PUS7L: variants seen among roughly 807,000 people sequenced by gnomAD.
PUS7L encodes the protein pseudouridine synthase 7 like.
A neutral mutation model predicts 51.1 loss-of-function variants in PUS7L; 49 were observed. The observed-to-expected ratio is 0.96, with a 90% CI of 0.76 to 1.22. PUS7L has a LOEUF of 1.22. PUS7L is among the 50% of genes most tolerant of loss of function. The pLI is 0.00. For synonymous variants in PUS7L, 277 were observed against 276.2 expected (o/e 1.00, Z -0.03); for missense variants, 828 against 820.6 (o/e 1.01, Z -0.11).
Position 43,742,437 on chromosome 12 carries a change from A to C in PUS7L, c.1362+20T>G, listed in dbSNP as rs372512174. 21 of 1,536,880 alleles carry C rather than the reference A, an allele frequency of 1.4e-5. No individual in the cohort carries two copies. The highest frequency in any genetic ancestry group is 1.7e-5 in the Non-Finnish European group (19 of 1,116,214). Reference sequence around the variant, plus strand: ...ATAATTGACAGAAACAGATAAGATTACATTTTTCAAAATCCATACCATTTC... The same window carrying C: ...ATAATTGACAGAAACAGATAAGATTCCATTTTTCAAAATCCATACCATTTC... On this transcript the variant is annotated intron_variant, in intron 5 of 8. Coordinates refer to ENST00000344862, the MANE Select transcript of PUS7L (RefSeq NM_031292.5).
intron 8 of PUS7L, 51 bp downstream of exon 8, chr12:43,731,654 G>T: frequency 9.6e-7 from 1 of 1,041,618 alleles, no homozygotes; most frequent in Non-Finnish European, 1.4e-6. Context: ...GCTTTTTGGG[G>T]ACAATGTCTA....
chr12:43,748,634 C>A (rs1938291662), intron 2 of PUS7L, 25 bp from the exon 3 acceptor site: 1 of 1,553,822 alleles, frequency 6.4e-7, no homozygotes, highest in Non-Finnish European at 8.6e-7. Flanking sequence ...AAACTTAGAT[C>A]ACAAAAAAAG....
chr12:43,734,625 T>C (rs183729925), intron 7 of PUS7L, among the ~76,000 whole-genome samples: 14 of 152,300 alleles, frequency 9.2e-5, no homozygotes, highest in African/African-American at 3.4e-4. Flanking sequence ...CCGGACCATG[T>C]TCTAGTTCTC....
At chr12:43,757,625 AT>A (rs1938853340) in intron 1 of PUS7L, among the ~76,000 whole-genome samples, 1 of 152,248 alleles carries the variant, frequency 6.6e-6, no homozygotes, top group Non-Finnish European at 1.5e-5. Flanking sequence ...ATGATCACAC[AT>A]TTTGAACAGT....
intron 6 of PUS7L, among the ~76,000 whole-genome samples, chr12:43,737,449 TAATA>T (rs1464338338): frequency 2.0e-5 from 3 of 151,958 alleles, no homozygotes; most frequent in Non-Finnish European, 4.4e-5. Context: ...TAATTAAAAA[TAATA>T]AATAAATATT....
intron 2 of PUS7L, among the ~76,000 whole-genome samples, chr12:43,752,859 T>G (rs1938521004): frequency 6.6e-6 from 1 of 152,222 alleles, no homozygotes; most frequent in Non-Finnish European, 1.5e-5. Flanking sequence ...TACTTAAAAA[T>G]GGTTAAGATG....
chr12:43,751,996 T>G (rs1470697020), intron 2 of PUS7L, among the ~76,000 whole-genome samples: 1 of 152,248 alleles, frequency 6.6e-6, no homozygotes, highest in Non-Finnish European at 1.5e-5. Flanking sequence ...TGCATAAATG[T>G]CTGCTTTTGA....
At position 43,754,540 on chromosome 12, in the gene PUS7L, C is replaced by T; in HGVS notation, c.706G>A (p.Asp236Asn). The T allele has an allele frequency of 6.2e-7, 1 of 1,612,260 alleles. No homozygotes were observed. Among genetic ancestry groups the T allele is most frequent in the Non-Finnish European group, 8.5e-7 (1 of 1,179,376 alleles). Residue 236 changes from aspartate to asparagine, a missense_variant, in exon 2 of 9, where the codon GAT becomes AAT. By Grantham distance (23) the Asp-to-Asn change is conservative. Transcript: ENST00000344862. ...GCTTTTCTGTGGTCTTTGTTTGTAT[C>T]AGGTTTAAAGGTAAATTTGGAATTT... ...KENSKFTFKP[D>N]TNKDHRKAVH...
At chr12:43,736,736 C>A (rs951590255) in intron 6 of PUS7L, 75 bp from the exon 7 acceptor site, 2 of 1,369,122 alleles carry the variant, frequency 1.5e-6, no homozygotes, top group Non-Finnish European at 2.0e-6. Context: ...TTGTTCTAAT[C>A]TCAAACTGAG....
chr12:43,732,234 C>G (rs10880552), intron 7 of PUS7L, among the ~76,000 whole-genome samples: 26,069 of 151,648 alleles, frequency 0.17, 3,411 homozygotes, highest in African/African-American at 0.37. Context: ...TTGAGGCCAG[C>G]AGTTTGAGAC....
chr12:43,727,468 T>G lies in PUS7L; in HGVS notation c.*2908A>C, dbSNP rs114085138. The G allele has an allele frequency of 6.6e-6, 1 of 152,014 alleles. No homozygotes were observed. Among genetic ancestry groups the G allele is most frequent in the African/African-American group, 2.4e-5 (1 of 41,362 alleles). 9.4% of individuals were successfully genotyped at this position (152,014 alleles called of 1,614,324 possible). A position where few individuals can be genotyped will look rare whatever the true frequency, so the allele number is the denominator to read the frequency against. On this transcript the variant is annotated 3_prime_UTR_variant, in exon 9 of 9. Transcript: ENST00000344862. ...ATTACAGTGGACTGGATAAAGAAAA[T>G]GTAGTACATGTATACCAGATAATAC...
At position 43,719,248 on chromosome 12, in the gene PUS7L, CACAA is replaced by C. The variant is rs1944367466; in HGVS notation, c.*11124_*11127del. ...ACAGTATTGAGTAAAACAAGGAAGA[CACAA>C]ACACAGATATGTACAATTCCATTCA... is the stretch of plus-strand genomic sequence containing the variant. On this transcript the variant is annotated 3_prime_UTR_variant, in exon 9 of 9. Coordinates refer to ENST00000344862, the MANE Select transcript of PUS7L (RefSeq NM_031292.5). 2 of 151,988 alleles carry C rather than the reference CACAA, an allele frequency of 1.3e-5. No homozygotes were observed. The highest frequency in any genetic ancestry group is 4.8e-5 in the African/African-American group (2 of 41,372). 9.4% of individuals were successfully genotyped at this position (151,988 alleles called of 1,614,324 possible).
At chr12:43,738,016 C>T in intron 6 of PUS7L, 1 of 263,822 alleles carries the variant, frequency 3.8e-6, no homozygotes, top group Non-Finnish European at 7.1e-6. Context: ...TCATCAGTGC[C>T]AGATTCGAAT....
chr12:43,725,354 C>T lies in PUS7L; in HGVS notation c.*5022G>A, dbSNP rs1388740297. On this transcript the variant is annotated 3_prime_UTR_variant, in exon 9 of 9. Coordinates refer to ENST00000344862, the MANE Select transcript of PUS7L (RefSeq NM_031292.5). ...ATCTTGTCTCTCCCAAGACATGCCC[C>T]AATATGCCTATTAAATCAATGGCAA... 4 of 151,942 alleles carry T rather than the reference C, an allele frequency of 2.6e-5. No homozygotes were observed. Among genetic ancestry groups the T allele is most frequent in the Admixed American group, 1.3e-4 (2 of 15,256 alleles). 9.4% of individuals were successfully genotyped at this position (151,942 alleles called of 1,614,324 possible). A position where few individuals can be genotyped will look rare whatever the true frequency, so the allele number is the denominator to read the frequency against.
chr12:43,750,229 GAT>G (rs1390671229), intron 2 of PUS7L, among the ~76,000 whole-genome samples: 1 of 152,064 alleles, frequency 6.6e-6, no homozygotes, highest in Non-Finnish European at 1.5e-5. Flanking sequence ...AGCCTAGGTG[GAT>G]AAGCATTTTT....
Position 43,746,161 on chromosome 12 carries a change from C to A in PUS7L, c.1148G>T (p.Arg383Ile). 6.5e-7 allele frequency: 1 copy of A among 1,533,508 alleles called. No individual in the cohort carries two copies. The highest frequency in any genetic ancestry group is 9.0e-7 in the Non-Finnish European group (1 of 1,112,480). 95.0% of individuals were successfully genotyped at this position (1,533,508 alleles called of 1,614,324 possible). Residue 383 changes from arginine (R) to isoleucine (I), a missense_variant, in exon 4 of 9, where the codon AGA becomes ATA. Physicochemically the swap from Arg to Ile is moderately conservative, Grantham distance 97. Transcript: ENST00000344862. ...FNIRSVDDSLRLGQLKGNHFD... is the reference protein window; with the variant it reads ...FNIRSVDDSLILGQLKGNHFD... ...GTGATTTCCTTTGAGCTGACCAAGT[C>A]TCAGGGAATCATCTACAGACCGAAT...
intron 5 of PUS7L, among the ~76,000 whole-genome samples, chr12:43,741,364 T>A (rs1440082837): frequency 3.3e-5 from 5 of 152,216 alleles, no homozygotes; most frequent in Admixed American, 3.3e-4. Context: ...CATTTGATTC[T>A]CAGAAAAATC....
chr12:43,733,982 G>A (rs1000219712), intron 7 of PUS7L, among the ~76,000 whole-genome samples: 11 of 152,106 alleles, frequency 7.2e-5, no homozygotes, highest in Admixed American at 1.3e-4. Context: ...AAGTGAAGCC[G>A]ACATCTGATG....
Position 43,748,553 on chromosome 12 carries a change from T to C in PUS7L, c.967A>G (p.Ile323Val), listed in dbSNP as rs751196229. The C allele has an allele frequency of 2.7e-5, 43 of 1,610,486 alleles. No homozygotes were observed. In the South Asian group the frequency reaches 4.1e-4, roughly 15 times the overall value. The change falls in exon 3 of 9, where the codon ATC (isoleucine) becomes GTC (valine). Residue 323 changes from isoleucine to valine, a missense_variant. Ile to Val is a conservative substitution (Grantham distance 29). Transcript: ENST00000344862. Reference sequence around the variant, plus strand: ...TCCGAAGGAATAACACCAAGTTTGATAGCTAAAAAACCAATCGCTTCAAAC... The same window carrying C: ...TCCGAAGGAATAACACCAAGTTTGACAGCTAAAAAACCAATCGCTTCAAAC... ...EMFEAIGFLA[I>V]KLGVIPSDFS...
Sources: gnomAD v4.1 joint callset for allele counts (sites outside exome capture counted in the v4.1 genomes callset) on GRCh38, gnomAD v4.1.1 for gene constraint, MANE v1.5 for transcripts, NCBI Gene and HGNC (gene_info 2026-07-23, HGNC 2026-07-21) for gene names.